TIAM2: variants seen among roughly 807,000 people sequenced by gnomAD.
TIAM2 encodes TIAM Rac1 associated GEF 2, also known as rho guanine nucleotide exchange factor TIAM2.
A neutral mutation model predicts 152.9 loss-of-function variants in TIAM2; 80 were observed. That is an observed-to-expected ratio of 0.52 (90% CI 0.44 to 0.63). The LOEUF (loss-of-function observed/expected upper bound fraction) is 0.63. Among genes scored for constraint, TIAM2 ranks in the 30% least tolerant of loss-of-function variants. The probability of loss-of-function intolerance (pLI) is 0.00; values close to 1 mark genes in which losing one functional copy is unlikely to be tolerated. For missense variants in TIAM2, 1,965 were observed against 2,120.1 expected (o/e 0.93, Z 1.44); for synonymous variants, 804 against 838.0 (o/e 0.96, Z 0.70).
intron 2 of TIAM2, among the ~76,000 whole-genome samples, chr6:155,109,712 GT>G (rs1286938392): frequency 6.6e-6 from 1 of 152,092 alleles, no homozygotes; most frequent in East Asian, 1.9e-4. Flanking sequence ...ACCTTAGGCA[GT>G]TTTTCAAAGG....
intron 2 of TIAM2, among the ~76,000 whole-genome samples, chr6:155,121,538 A>C (rs1468468020): frequency 6.6e-6 from 1 of 152,180 alleles, no homozygotes; most frequent in East Asian, 1.9e-4. Context: ...GCTGACACAA[A>C]CCAGACTAGA....
chr6:155,136,194 CAAA>C (rs1232689972), intron 4 of TIAM2, among the ~76,000 whole-genome samples: 5 of 59,902 alleles, frequency 8.3e-5, no homozygotes, highest in African/African-American at 6.3e-5. Context: ...AACTCCATCT[CAAA>C]AAAAAAAAAA....
intron 1 of TIAM2, among the ~76,000 whole-genome samples, chr6:155,082,965 T>G (rs1267023171): frequency 6.6e-6 from 1 of 152,188 alleles, no homozygotes; most frequent in Admixed American, 6.5e-5. Flanking sequence ...TTTATGAATC[T>G]TATTCCTTCT....
intron 1 of TIAM2, among the ~76,000 whole-genome samples, chr6:155,082,226 T>G (rs1778078018): frequency 6.6e-6 from 1 of 152,032 alleles, no homozygotes; most frequent in African/African-American, 2.4e-5. Context: ...ACGTATAGTC[T>G]CAGCTACTCA....
At chr6:155,116,084 C>T (rs572411266) in intron 2 of TIAM2, among the ~76,000 whole-genome samples, 7 of 152,292 alleles carry the variant, frequency 4.6e-5, no homozygotes, top group Admixed American at 3.9e-4. Flanking sequence ...GCCTGGGTGA[C>T]AGAGAGAGAC....
intron 15 of TIAM2, among the ~76,000 whole-genome samples, chr6:155,236,309 T>C (rs903489667): frequency 2.0e-5 from 3 of 150,958 alleles, no homozygotes; most frequent in Non-Finnish European, 2.9e-5. Flanking sequence ...GTATGAAGAG[T>C]AGACCAGCAG....
chr6:155,161,316 C>T lies in TIAM2; in HGVS notation c.2029-3099C>T, dbSNP rs535644961. The stretch of plus-strand genomic sequence containing the variant: ...ATCCTCCCAACTCAGCCTCTCAAGA[C>T]CACAAGTGCATGCCACCATGCTTGG... On this transcript the variant is annotated intron_variant, in intron 7 of 26. Coordinates refer to ENST00000682666, the MANE Select transcript of TIAM2 (RefSeq NM_012454.4). 2.0e-5 allele frequency among the ~76,000 whole-genome samples: 3 copies of T among 152,194 alleles called. No individual in the cohort carries two copies. The South Asian group carries it at 6.2e-4, about 32-fold the overall frequency.
chr6:155,104,226 G>A (rs1778627451), intron 2 of TIAM2, among the ~76,000 whole-genome samples: 1 of 152,010 alleles, frequency 6.6e-6, no homozygotes, highest in African/African-American at 2.4e-5. Context: ...CCTTTTGCAA[G>A]TCACTTAAGG....
intron 21 of TIAM2, 137 bp downstream of exon 21, chr6:155,250,106 A>C: frequency 1.6e-6 from 1 of 616,370 alleles, no homozygotes; most frequent in East Asian, 2.6e-5. Flanking sequence ...CAATGTGTCT[A>C]ATGAACTACA....
Position 155,250,906 on chromosome 6 carries a change from A to C in TIAM2, c.3952-7A>C, listed in dbSNP as rs772092886. 10 of 1,613,950 alleles carry C rather than the reference A, an allele frequency of 6.2e-6. No homozygotes were observed. The Admixed American group carries it at 1.7e-4, about 27-fold the overall frequency. On this transcript the variant is annotated splice_region_variant and splice_polypyrimidine_tract_variant and intron_variant, in intron 21 of 26. Transcript: ENST00000682666. Reference sequence around the variant, plus strand: ...TATCTTCCTTACCTCCTGTTTTTACAATCTAGGTAACAGAACTTTCGATGG... The same window carrying C: ...TATCTTCCTTACCTCCTGTTTTTACCATCTAGGTAACAGAACTTTCGATGG...
chr6:155,028,784 AAT>A (rs200925803), intron 1 of TIAM2, among the ~76,000 whole-genome samples: 11,321 of 116,988 alleles, frequency 0.097, 1,166 homozygotes, highest in East Asian at 0.28. Flanking sequence ...TACTACATGT[AAT>A]ATATATACTG....
intron 6 of TIAM2, among the ~76,000 whole-genome samples, chr6:155,145,960 G>A (rs1362110520): frequency 1.3e-5 from 2 of 152,144 alleles, no homozygotes; most frequent in Non-Finnish European, 2.9e-5. Flanking sequence ...GCAAAGTAAT[G>A]AATTTATGTT....
chr6:155,106,462 T>C (rs942060998), intron 2 of TIAM2, among the ~76,000 whole-genome samples: 5 of 152,322 alleles, frequency 3.3e-5, no homozygotes, highest in Admixed American at 2.0e-4. Flanking sequence ...GGACTTCCAA[T>C]GTACAAGACT....
chr6:155,178,123 T>C (rs1180447346), intron 10 of TIAM2, among the ~76,000 whole-genome samples: 1 of 141,896 alleles, frequency 7.0e-6, no homozygotes, highest in East Asian at 2.1e-4. Context: ...ATGGCTCCAC[T>C]GCACCCCAGC....
At chr6:155,181,423 AGAGT>A (rs1419995351) in intron 12 of TIAM2, among the ~76,000 whole-genome samples, 11 of 152,350 alleles carry the variant, frequency 7.2e-5, no homozygotes, top group African/African-American at 2.6e-4. Context: ...TATTTCAGTG[AGAGT>A]ATTTTTTTGC....
At chr6:155,166,482 C>A (rs550148734) in intron 9 of TIAM2, among the ~76,000 whole-genome samples, 30 of 152,186 alleles carry the variant, frequency 2.0e-4, no homozygotes, top group Middle Eastern at 6.8e-3. Context: ...CACCACCATG[C>A]CTGGCTAATT....
intron 2 of TIAM2, among the ~76,000 whole-genome samples, chr6:155,118,337 T>G (rs1283870972): frequency 6.6e-6 from 1 of 152,208 alleles, no homozygotes; most frequent in Non-Finnish European, 1.5e-5. Context: ...AGCAAGTGGT[T>G]ATGGAGCACC....
rs61651734 is a variant in TIAM2 at position 155,009,091 on chromosome 6, C to CT, written c.-209+13627dup. On this transcript the variant is annotated intron_variant, in intron 1 of 26. Transcript: ENST00000682666. ...GTCCTCTGTTTCTGACTCAGAAGAT[C>CT]TTTTTTTTTTTTTTTTTTTTTTTTT... 5.9e-3 allele frequency among the ~76,000 whole-genome samples: 361 copies of CT among 61,468 alleles called. 19 individuals carry two copies. The highest frequency in any genetic ancestry group is 0.014 in the African/African-American group (210 of 14,600). The allele number at this position is 61,468 out of a possible 152,430, so 40.3% of individuals were successfully genotyped here. A position where few individuals can be genotyped will look rare whatever the true frequency, so the allele number is the denominator to read the frequency against.
Position 155,193,334 on chromosome 6 carries a change from G to T in TIAM2, c.3064+9834G>T, listed in dbSNP as rs1781255101. Among the ~76,000 whole-genome samples the T allele has an allele frequency of 2.0e-5, 3 of 152,232 alleles. No homozygotes were observed. The South Asian group carries it at 6.2e-4, about 32-fold the overall frequency. The stretch of plus-strand genomic sequence containing the variant: ...TGGGAGGATTGCTTGAGTCTGGGAG[G>T]TTGAGGCTTCAGTGAGCTGTGGATT... On this transcript the variant is annotated intron_variant, in intron 14 of 26. Transcript: ENST00000682666.
Sources: gnomAD v4.1 joint callset for allele counts (sites outside exome capture counted in the v4.1 genomes callset) on GRCh38, gnomAD v4.1.1 for gene constraint, MANE v1.5 for transcripts, NCBI Gene and HGNC (gene_info 2026-07-23, HGNC 2026-07-21) for gene names.